Variants in B3GAT2 observed in about 807,000 individuals in gnomAD.
B3GAT2 encodes galactosylgalactosylxylosylprotein 3-beta-glucuronosyltransferase 2.
Under a neutral mutation model 27.8 loss-of-function variants are expected in B3GAT2, and 26 were observed. The observed-to-expected ratio is 0.93, with a 90% CI of 0.68 to 1.30. B3GAT2 has a LOEUF of 1.30. Ranked by LOEUF, B3GAT2 falls within the 50% of genes most tolerant of loss-of-function variation. The pLI, the probability that B3GAT2 is intolerant of heterozygous loss-of-function variation, is 0.00. For missense variants in B3GAT2, 458 were observed against 459.0 expected, an observed-to-expected ratio of 1.00 and a Z score of 0.02; for synonymous variants, 218 against 195.1, an observed-to-expected ratio of 1.12 and a Z score of -0.98.
At chr6:70,942,914 C>G (rs1765417445) in intron 1 of B3GAT2, among the ~76,000 whole-genome samples, 3 of 152,180 alleles carry the variant, frequency 2.0e-5, no homozygotes. Context: ...GCATTTAGCA[C>G]ACTCAGCTTT....
intron 1 of B3GAT2, among the ~76,000 whole-genome samples, chr6:70,953,316 G>A (rs1329935410): frequency 6.6e-6 from 1 of 152,146 alleles, no homozygotes. Flanking sequence ...ATCTGAGAAC[G>A]GGTGTATGGT....
At chr6:70,862,257 G>A (rs1488640965) in intron 2 of B3GAT2, among the ~76,000 whole-genome samples, 1 of 152,150 alleles carries the variant, frequency 6.6e-6, no homozygotes, top group Non-Finnish European at 1.5e-5. Flanking sequence ...AATTTTATAA[G>A]CTGCTGTTTC....
intron 1 of B3GAT2, among the ~76,000 whole-genome samples, chr6:70,921,767 T>C (rs1772874603): frequency 6.6e-6 from 1 of 152,180 alleles, no homozygotes. Flanking sequence ...GATAGGGCTT[T>C]TTACTTTTAT....
At chr6:70,883,168 T>C (rs1344483557) in intron 2 of B3GAT2, among the ~76,000 whole-genome samples, 13 of 152,208 alleles carry the variant, frequency 8.5e-5, no homozygotes, top group Admixed American at 5.2e-4. Context: ...AATAGTATGG[T>C]GATTCTTCAA....
At position 70,857,060 on chromosome 6, in the gene B3GAT2, A is replaced by G. The variant is rs773838691; in HGVS notation, c.*4603T>C. ...TGAATTTTGATATCTGCTTTCAGTG[A>G]CATTACTAGAAGTACATCCTTTGTA... is the stretch of plus-strand genomic sequence containing the variant. On this transcript the variant is annotated 3_prime_UTR_variant, in exon 4 of 4. Transcript: ENST00000230053. 1.3e-6 allele frequency: 2 copies of G among 1,569,434 alleles called. No individual in the cohort carries two copies. The highest frequency in any genetic ancestry group is 1.7e-6 in the Non-Finnish European group (2 of 1,155,402).
chr6:70,944,873 A>C (rs1263813233), intron 1 of B3GAT2, among the ~76,000 whole-genome samples: 1 of 152,144 alleles, frequency 6.6e-6, no homozygotes, highest in East Asian at 1.9e-4. Context: ...TCTGAGACAA[A>C]ACTTCCAGAG....
At position 70,861,872 on chromosome 6, in the gene B3GAT2, T is replaced by C; in HGVS notation, c.843A>G (p.Thr281=). Reference sequence around the variant, plus strand: ...CTTTCGGTTCCAGTTCTTCGACTGTTGTTATCTGTTTGAGAAAGTCAGATT... The same window carrying C: ...CTTTCGGTTCCAGTTCTTCGACTGTCGTTATCTGTTTGAGAAAGTCAGATT... ...MQESDFLKQI[T]TVEELEPKAN... is the part of the protein sequence containing the mutation. The change falls in exon 3 of 4, where the codon ACA becomes ACG. Residue 281 remains threonine, a synonymous_variant. Transcript: ENST00000230053. 6.2e-7 allele frequency: 1 copy of C among 1,614,070 alleles called. No individual in the cohort carries two copies. Among genetic ancestry groups the C allele is most frequent in the African/African-American group, 1.3e-5 (1 of 75,030 alleles).
At chr6:70,955,772 T>G in intron 1 of B3GAT2, 67 bp downstream of exon 1, 1 of 1,476,122 alleles carries the variant, frequency 6.8e-7, no homozygotes, top group Non-Finnish European at 9.0e-7. Context: ...GGCGTGTGAC[T>G]GCAGCCCGGC....
intron 2 of B3GAT2, among the ~76,000 whole-genome samples, chr6:70,865,363 C>T (rs1356397199): frequency 2.0e-5 from 3 of 152,120 alleles, no homozygotes; most frequent in Non-Finnish European, 4.4e-5. Context: ...AGTTATCTGC[C>T]CCCCTCGGCC....
At chr6:70,914,815 T>C (rs1344445074) in intron 1 of B3GAT2, among the ~76,000 whole-genome samples, 1 of 152,178 alleles carries the variant, frequency 6.6e-6, no homozygotes, top group Non-Finnish European at 1.5e-5. Flanking sequence ...TTGATGGACA[T>C]CTGGGTTGGT....
intron 2 of B3GAT2, among the ~76,000 whole-genome samples, chr6:70,878,709 T>G (rs1360297225): frequency 6.6e-6 from 1 of 152,170 alleles, no homozygotes; most frequent in African/African-American, 2.4e-5. Context: ...TCATTTTGGT[T>G]TCTCTTCTTC....
intron 1 of B3GAT2, among the ~76,000 whole-genome samples, chr6:70,954,555 T>C (rs1198557168): frequency 2.6e-5 from 4 of 151,946 alleles, no homozygotes; most frequent in African/African-American, 4.8e-5. Context: ...AACCCAGAGA[T>C]GAGGATGAAA....
At chr6:70,891,748 TTGTGTGTGTGTGTGTGTG>T (rs147352529) in intron 2 of B3GAT2, among the ~76,000 whole-genome samples, 2 of 144,646 alleles carry the variant, frequency 1.4e-5, no homozygotes, top group South Asian at 2.3e-4. Context: ...AGAGCTCAGA[TTGTGTGTGTGTGTGTGTG>T]TGTGTGTGTG....
At chr6:70,930,590 C>T (rs1773045930) in intron 1 of B3GAT2, among the ~76,000 whole-genome samples, 1 of 152,202 alleles carries the variant, frequency 6.6e-6, no homozygotes, top group Admixed American at 6.5e-5. Context: ...AAAAAATGCT[C>T]ATCATCACCG....
In B3GAT2 at chr6:70,860,759, A is replaced by AAAT. The variant is rs1414457673; in HGVS notation, c.*901_*903dup. 9 of 399,818 alleles carry AAAT rather than the reference A, an allele frequency of 2.3e-5. No homozygotes were observed. The highest frequency in any genetic ancestry group is 1.3e-4 in the South Asian group (1 of 7,962). The allele number at this position is 399,818 out of a possible 1,614,324, so 24.8% of individuals were successfully genotyped here. ...TGTATGATCAAATGTTTAATCATAT[A>AAAT]AATAGAATGTAAATGTCTCACTGAG... On this transcript the variant is annotated 3_prime_UTR_variant, in exon 4 of 4. Transcript: ENST00000230053.
At chr6:70,867,103 TAAA>T (rs1771863567) in intron 2 of B3GAT2, among the ~76,000 whole-genome samples, 1 of 152,128 alleles carries the variant, frequency 6.6e-6, no homozygotes, top group Non-Finnish European at 1.5e-5. Flanking sequence ...AGGGAAATGA[TAAA>T]GTGGTTAACT....
rs1390452506 is a variant in B3GAT2, at chr6:70,861,813, A to G, written c.885+17T>C. On this transcript the variant is annotated intron_variant, in intron 3 of 3. Transcript: ENST00000230053. ...ATGGTGACACTCGAGGTCGGGCAGC[A>G]CAAGTGTAATGAATACCTTAGTGCA... The G allele has an allele frequency of 1.9e-6, 3 of 1,614,106 alleles. No individual in the cohort carries two copies. Among genetic ancestry groups the G allele is most frequent in the Non-Finnish European group, 2.5e-6 (3 of 1,179,982 alleles).
intron 1 of B3GAT2, among the ~76,000 whole-genome samples, chr6:70,905,549 T>G (rs1482278875): frequency 1.3e-5 from 2 of 152,210 alleles, no homozygotes; most frequent in Admixed American, 6.5e-5. Context: ...CCTTTTAAAA[T>G]TGGATTATTT....
Position 70,944,490 on chromosome 6 carries a change from G to A in B3GAT2, c.591+11349C>T, listed in dbSNP as rs991319335. ...CAGGTCTGAGATCAAACTGCAAGGC[G>A]ACTGCAAGGCGGCAGCGAGGCTGGG... On this transcript the variant is annotated intron_variant, in intron 1 of 3. Coordinates refer to ENST00000230053, the MANE Select transcript of B3GAT2 (RefSeq NM_080742.3). 7.2e-5 allele frequency among the ~76,000 whole-genome samples: 11 copies of A among 152,244 alleles called. No homozygotes were observed. The South Asian group carries it at 1.2e-3, about 17-fold the overall frequency.
Sources: gnomAD v4.1 joint callset for allele counts (sites outside exome capture counted in the v4.1 genomes callset) on GRCh38, gnomAD v4.1.1 for gene constraint, MANE v1.5 for transcripts, NCBI Gene and HGNC (gene_info 2026-07-23, HGNC 2026-07-21) for gene names.